TIAM2: variants seen among roughly 807,000 people sequenced by gnomAD.
TIAM2 encodes the protein TIAM Rac1 associated GEF 2.
In TIAM2, 80 loss-of-function variants were observed where a neutral mutation model predicts 152.9. The observed-to-expected ratio is 0.52, with a 90% confidence interval of 0.44 to 0.63. TIAM2 has a LOEUF of 0.63. TIAM2 is among the 30% of genes least tolerant of loss of function. The pLI is 0.00. For synonymous variants in TIAM2, 804 were observed against 838.0 expected, an observed-to-expected ratio of 0.96 and a Z score of 0.70; for missense variants, 1,965 against 2,120.1, an observed-to-expected ratio of 0.93 and a Z score of 1.44.
intron 1 of TIAM2, among the ~76,000 whole-genome samples, chr6:155,086,708 GAAAAAAAA>G (rs10667680): frequency 1.5e-5 from 2 of 133,522 alleles, no homozygotes; most frequent in Non-Finnish European, 3.1e-5. Flanking sequence ...CTCCATCTTG[GAAAAAAAA>G]AAAAAAAACC....
chr6:155,132,134 G>T (rs1334572984), intron 4 of TIAM2, among the ~76,000 whole-genome samples: 1 of 150,280 alleles, frequency 6.7e-6, no homozygotes, highest in Admixed American at 6.7e-5. Flanking sequence ...TTGTTGTTTT[G>T]TTATTTGTTT....
chr6:155,252,946 A>G lies in TIAM2; in HGVS notation c.4120-2A>G, dbSNP rs1783759566. The G allele has an allele frequency of 3.1e-6, 5 of 1,613,750 alleles. No individual in the cohort carries two copies. Among genetic ancestry groups the G allele is most frequent in the Non-Finnish European group, 4.2e-6 (5 of 1,179,850 alleles). On this transcript the variant is annotated splice_acceptor_variant, in intron 23 of 26. Transcript: ENST00000682666. LOFTEE classifies it high-confidence loss of function. ...TTTTCTTGGTGGGCCTTCATGTTAC[A>G]GCCCTCGAATTCCCGGCCTGCACAC...
At chr6:155,084,918 T>C (rs973036832) in intron 1 of TIAM2, among the ~76,000 whole-genome samples, 6 of 152,198 alleles carry the variant, frequency 3.9e-5, no homozygotes, top group African/African-American at 9.6e-5. Context: ...CACATTATGA[T>C]GTAGTCTTAC....
chr6:155,086,357 A>G (rs1382641240), intron 1 of TIAM2, among the ~76,000 whole-genome samples: 1 of 152,218 alleles, frequency 6.6e-6, no homozygotes, highest in East Asian at 1.9e-4. Context: ...GATGAAGTCA[A>G]TGTGCTCTAA....
At chr6:155,144,861 T>C in intron 6 of TIAM2, 83 bp downstream of exon 6, 1 of 1,428,732 alleles carries the variant, frequency 7.0e-7, no homozygotes, top group Non-Finnish European at 9.4e-7. Context: ...AACTTGGAAA[T>C]GAAATTGAAT....
intron 2 of TIAM2, among the ~76,000 whole-genome samples, chr6:155,115,668 A>G (rs1778990339): frequency 6.6e-6 from 1 of 152,102 alleles, no homozygotes; most frequent in Admixed American, 6.5e-5. Context: ...TGATCAATCA[A>G]TCGATGTTAA....
intron 23 of TIAM2, among the ~76,000 whole-genome samples, chr6:155,252,513 G>C (rs1234493439): frequency 6.6e-6 from 1 of 152,098 alleles, no homozygotes; most frequent in Non-Finnish European, 1.5e-5. Context: ...ACTCATATGG[G>C]GGCCTACATA....
At chr6:155,006,075 G>A (rs983180816) in intron 1 of TIAM2, among the ~76,000 whole-genome samples, 2 of 152,204 alleles carry the variant, frequency 1.3e-5, no homozygotes, top group Non-Finnish European at 2.9e-5. Flanking sequence ...CTCGAGCCTC[G>A]AGGAGTAGAG....
At chr6:155,081,125 G>C (rs914791898) in intron 1 of TIAM2, among the ~76,000 whole-genome samples, 2 of 152,170 alleles carry the variant, frequency 1.3e-5, no homozygotes, top group African/African-American at 2.4e-5. Flanking sequence ...GAAAAAGAAA[G>C]AGGGTAAAAT....
At chr6:155,223,517 A>ATTTTTTTTTTTTT (rs11389646) in intron 15 of TIAM2, among the ~76,000 whole-genome samples, 1 of 140,864 alleles carries the variant, frequency 7.1e-6, no homozygotes, top group Non-Finnish European at 1.5e-5. Context: ...ACATCCCCAG[A>ATTTTTTTTTTTTT]TTTTTTTTTC....
chr6:155,142,495 C>A (rs1370406530), intron 5 of TIAM2, among the ~76,000 whole-genome samples: 2 of 152,182 alleles, frequency 1.3e-5, no homozygotes, highest in African/African-American at 2.4e-5. Flanking sequence ...GAACGTGAAC[C>A]CATTGGAAAG....
intron 1 of TIAM2, among the ~76,000 whole-genome samples, chr6:155,068,611 T>A (rs1481444004): frequency 1.4e-5 from 1 of 70,942 alleles, no homozygotes; most frequent in Non-Finnish European, 4.2e-5. Flanking sequence ...CGCCCCCCCA[T>A]CACGTCTGGC....
rs369092426 is a variant in TIAM2, at chr6:155,244,655, T to C, written c.3418-3T>C. On this transcript the variant is annotated splice_polypyrimidine_tract_variant and splice_region_variant and intron_variant, in intron 17 of 26. Coordinates refer to ENST00000682666, the MANE Select transcript of TIAM2 (RefSeq NM_012454.4). Reference sequence around the variant, plus strand: ...CTCATTTCAAATCCTGATCTTCACATAGATGGAGTCACTTTTTGGAAGTTT... The same window carrying C: ...CTCATTTCAAATCCTGATCTTCACACAGATGGAGTCACTTTTTGGAAGTTT... 1.2e-6 allele frequency: 2 copies of C among 1,613,968 alleles called. No homozygotes were observed. The highest frequency in any genetic ancestry group is 1.7e-6 in the Non-Finnish European group (2 of 1,179,892).
chr6:155,176,694 G>C, intron 9 of TIAM2, 122 bp from the exon 10 acceptor site: 1 of 1,003,356 alleles, frequency 1.0e-6, no homozygotes, highest in Non-Finnish European at 1.5e-6. Flanking sequence ...TGAGAAGCCA[G>C]TGATGTGAAG....
Position 155,256,521 on chromosome 6 carries a change from C to A in TIAM2, c.4506C>A (p.Ser1502=). The change falls in exon 27 of 27, where the codon TCC becomes TCA. Residue 1502 remains serine, a synonymous_variant. Coordinates refer to ENST00000682666, the MANE Select transcript of TIAM2 (RefSeq NM_012454.4). The part of the protein sequence containing the change: ...SRSLKVLKNS[S]SNEWTGETGK... ...CTTTAAAAGTCCTGAAGAATTCCTC[C>A]AGCAACGAGTGGACCGGTGAGACTG... 1.2e-6 allele frequency: 2 copies of A among 1,614,204 alleles called. No individual in the cohort carries two copies. The highest frequency in any genetic ancestry group is 1.7e-6 in the Non-Finnish European group (2 of 1,180,048).
chr6:155,086,985 A>G (rs970126562), intron 1 of TIAM2, among the ~76,000 whole-genome samples: 1 of 152,208 alleles, frequency 6.6e-6, no homozygotes, highest in African/African-American at 2.4e-5. Context: ...AGTAAAGGAG[A>G]CAAATGAGTG....
chr6:155,114,798 A>G (rs1321969556), intron 2 of TIAM2, among the ~76,000 whole-genome samples: 1 of 152,176 alleles, frequency 6.6e-6, no homozygotes, highest in Non-Finnish European at 1.5e-5. Flanking sequence ...TGGATTGATC[A>G]GAACCACAAC....
intron 15 of TIAM2, 65 bp downstream of exon 15, chr6:155,211,372 C>A: frequency 7.4e-7 from 1 of 1,352,034 alleles, no homozygotes; most frequent in African/African-American, 1.4e-5. Context: ...CCACCTTTAC[C>A]TAAGGTGGGG....
chr6:155,185,893 G>A (rs1053329132), intron 14 of TIAM2, among the ~76,000 whole-genome samples: 3 of 152,072 alleles, frequency 2.0e-5, no homozygotes, highest in African/African-American at 4.8e-5. Flanking sequence ...TAGTGATGTC[G>A]CCTGTGCTGG....
Sources: gnomAD v4.1 joint callset for allele counts (sites outside exome capture counted in the v4.1 genomes callset) on GRCh38, gnomAD v4.1.1 for gene constraint, MANE v1.5 for transcripts, NCBI Gene and HGNC (gene_info 2026-07-23, HGNC 2026-07-21) for gene names.